RAP1GAP2: variants seen among roughly 807,000 people sequenced by gnomAD.
RAP1GAP2 encodes the protein rap1 GTPase-activating protein 2.
A neutral mutation model predicts 95.0 loss-of-function variants in RAP1GAP2; 27 were observed. The ratio of observed to expected loss-of-function variants is 0.28; its 90% CI spans 0.21 to 0.39. RAP1GAP2 has a LOEUF of 0.39. Ranked by LOEUF, RAP1GAP2 falls within the 10% of genes least tolerant of loss-of-function variation. The probability of loss-of-function intolerance (pLI) is 1.00; values close to 1 mark genes in which losing one functional copy is unlikely to be tolerated. For synonymous variants in RAP1GAP2, 373 were observed against 380.9 expected (o/e 0.98, Z 0.24); for missense variants, 771 against 970.0 (o/e 0.79, Z 2.72).
chr17:2,850,441 G>A (rs535703834), intron 2 of RAP1GAP2, among the ~76,000 whole-genome samples: 5 of 151,790 alleles, frequency 3.3e-5, no homozygotes, highest in African/African-American at 7.2e-5. Context: ...TTGCAATAAC[G>A]TTTTCTTTTA....
At position 2,905,300 on chromosome 17, in the gene RAP1GAP2, A is replaced by G. The variant is rs1050902580; in HGVS notation, c.97A>G (p.Asn33Asp). The G allele has an allele frequency of 1.9e-6, 3 of 1,613,610 alleles. No individual in the cohort carries two copies. The highest frequency in any genetic ancestry group is 2.7e-5 in the African/African-American group (2 of 74,934). The stretch of plus-strand genomic sequence containing the variant: ...TCTTCACAGGAAGCAGGAGCTGGCC[A>G]ACAGCTCGGATGCGACCCTCCCAGA... The part of the protein sequence containing the change: ...SLKVKKQELA[N>D]SSDATLPDRP... The change falls in exon 3 of 25, where the codon AAC (asparagine) becomes GAC (aspartate). Residue 33 changes from asparagine (N) to aspartate (D), a missense_variant. Coordinates refer to ENST00000254695, the MANE Select transcript of RAP1GAP2 (RefSeq NM_015085.5).
rs748481508 is a variant in RAP1GAP2 at position 3,006,006 on chromosome 17, G to A, written c.1324G>A (p.Ala442Thr). ...LLTKLTNAEN[A>T]CCKSDKFAKL... ...CACCAAGCTCACCAATGCCGAGAAC[G>A]CCTGCTGCAAGTCGGACAAGTTTGC... The change falls in exon 16 of 25, where the codon GCC (alanine) becomes ACC (threonine). Residue 442 changes from alanine to threonine, a missense_variant. Ala to Thr is a moderately conservative substitution (Grantham distance 58). Transcript: ENST00000254695. The A allele has an allele frequency of 3.1e-6, 5 of 1,613,754 alleles. 1 individual carries two copies. The South Asian group carries it at 4.4e-5, about 14-fold the overall frequency.
chr17:2,925,541 G>A (rs576544718), intron 3 of RAP1GAP2, among the ~76,000 whole-genome samples: 10 of 152,294 alleles, frequency 6.6e-5, no homozygotes, highest in South Asian at 6.2e-4. Flanking sequence ...CGCTCCACTC[G>A]TGGGGATTAC....
chr17:3,012,608 A>T (rs201042188), intron 17 of RAP1GAP2, among the ~76,000 whole-genome samples: 10 of 6,228 alleles, frequency 1.6e-3, no homozygotes, highest in East Asian at 0.013. Context: ...TGTGTCTCAA[A>T]AAAAAAAAAA....
At chr17:2,897,036 C>G (rs1236834855) in intron 2 of RAP1GAP2, among the ~76,000 whole-genome samples, 2 of 152,226 alleles carry the variant, frequency 1.3e-5, no homozygotes, top group Non-Finnish European at 2.9e-5. Context: ...GGCCTTGGCA[C>G]TTTATAAACG....
At chr17:2,824,310 G>A (rs1296409283) in intron 2 of RAP1GAP2, among the ~76,000 whole-genome samples, 2 of 151,498 alleles carry the variant, frequency 1.3e-5, no homozygotes, top group African/African-American at 2.4e-5. Context: ...AGCTGGGCAT[G>A]GTGGCACACG....
rs1004789254 is a variant in RAP1GAP2 at position 3,027,127 on chromosome 17, C to T, written c.2107+57C>T. The T allele has an allele frequency of 4.0e-6, 6 of 1,510,216 alleles. No individual in the cohort carries two copies. The South Asian group carries it at 7.7e-5, about 19-fold the overall frequency. The allele number at this position is 1,510,216 out of a possible 1,614,324, so 93.6% of individuals were successfully genotyped here. On this transcript the variant is annotated intron_variant, in intron 22 of 24. Coordinates refer to ENST00000254695, the MANE Select transcript of RAP1GAP2 (RefSeq NM_015085.5). The surrounding 1 kb of genome is among the most constrained non-coding windows in gnomAD (Gnocchi z 5.2). ...ACCAGGAGGGCAGGCTGTGCCCTGT[C>T]CACTGTTAGCAGGGCCCCAGCCACG... is the stretch of plus-strand genomic sequence containing the variant.
intron 2 of RAP1GAP2, among the ~76,000 whole-genome samples, chr17:2,891,299 C>T (rs1215441240): frequency 6.6e-6 from 1 of 152,004 alleles, no homozygotes; most frequent in Non-Finnish European, 1.5e-5. Context: ...GGGTGCTTGC[C>T]ACCATGCCTG....
intron 3 of RAP1GAP2, among the ~76,000 whole-genome samples, chr17:2,941,278 T>G (rs562460397): frequency 3.9e-5 from 6 of 152,180 alleles, no homozygotes; most frequent in Admixed American, 1.3e-4. Flanking sequence ...GGCACGTGCT[T>G]GTAATCCCAG....
chr17:2,966,469 T>C (rs1299625591), intron 8 of RAP1GAP2, among the ~76,000 whole-genome samples: 1 of 152,250 alleles, frequency 6.6e-6, no homozygotes, highest in African/African-American at 2.4e-5. Flanking sequence ...TTGTGGAGTC[T>C]AATTGAAGAT....
intron 2 of RAP1GAP2, among the ~76,000 whole-genome samples, chr17:2,818,272 T>C (rs2151513336): frequency 6.6e-6 from 1 of 152,060 alleles, no homozygotes; most frequent in South Asian, 2.1e-4. Flanking sequence ...TAGCAGGAAT[T>C]TTGTGTTTTC....
At position 3,027,646 on chromosome 17, in the gene RAP1GAP2, C is replaced by T. The variant is rs1854694776; in HGVS notation, c.2107+576C>T. ...CCGGGCCCCGGGTGAGGATTTTGTT[C>T]TGCTAGCGGCCACTGTTGGAGTGTT... On this transcript the variant is annotated intron_variant, in intron 22 of 24. Transcript: ENST00000254695. This position sits in a 1 kb window ranked among gnomAD's most constrained non-coding sequence, Gnocchi z 5.2. Among the ~76,000 whole-genome samples, 2 of 152,064 alleles carry T rather than the reference C, an allele frequency of 1.3e-5. No individual in the cohort carries two copies. The highest frequency in any genetic ancestry group is 2.9e-5 in the Non-Finnish European group (2 of 68,026).
chr17:2,814,905 A>C (rs1403975257), intron 2 of RAP1GAP2, among the ~76,000 whole-genome samples: 1 of 151,996 alleles, frequency 6.6e-6, no homozygotes, highest in Non-Finnish European at 1.5e-5. Flanking sequence ...CCACCAGCAG[A>C]CGCCCCGTGG....
chr17:2,858,410 A>G (rs1174233425), intron 2 of RAP1GAP2, among the ~76,000 whole-genome samples: 3 of 152,196 alleles, frequency 2.0e-5, no homozygotes, highest in South Asian at 2.1e-4. Context: ...TTGTTTAAAA[A>G]AATTTTGTTG....
intron 2 of RAP1GAP2, among the ~76,000 whole-genome samples, chr17:2,823,114 C>T (rs2070382759): frequency 6.6e-6 from 1 of 152,086 alleles, no homozygotes; most frequent in South Asian, 2.1e-4. Context: ...ATTGGGGTGT[C>T]ATGGGGATGG....
intron 17 of RAP1GAP2, among the ~76,000 whole-genome samples, chr17:3,017,683 G>A (rs943087276): frequency 3.3e-5 from 5 of 152,230 alleles, no homozygotes; most frequent in African/African-American, 4.8e-5. Flanking sequence ...GTAGCTTAGA[G>A]AGGTTAGTAA....
At chr17:2,794,474 TG>T (rs1440628783), upstream of RAP1GAP2, among the ~76,000 whole-genome samples, 4 of 152,152 alleles carry the variant, frequency 2.6e-5, no homozygotes, top group Non-Finnish European at 5.9e-5. Flanking sequence ...GTGGCCATCC[TG>T]TGGGAAGCCA....
chr17:2,801,626 TG>T (rs2069300954), intron 2 of RAP1GAP2, among the ~76,000 whole-genome samples: 1 of 107,648 alleles, frequency 9.3e-6, no homozygotes, highest in African/African-American at 2.9e-5. Context: ...TGTGTGTGTG[TG>T]TGTGTGTGTG....
chr17:2,894,638 CG>C (rs1048929518), intron 2 of RAP1GAP2, among the ~76,000 whole-genome samples: 1 of 152,130 alleles, frequency 6.6e-6, no homozygotes, highest in East Asian at 1.9e-4. Context: ...ATCTGCCTCT[CG>C]CAAAGCGACT....
Sources: gnomAD v4.1 joint callset for allele counts (sites outside exome capture counted in the v4.1 genomes callset) on GRCh38, gnomAD v4.1.1 for gene constraint, Gnocchi (gnomAD v3.1) non-coding constraint, MANE v1.5 for transcripts, NCBI Gene and HGNC (gene_info 2026-07-23, HGNC 2026-07-21) for gene names.